Variants in DTNB observed in about 807,000 individuals in gnomAD.
DTNB encodes the protein dystrobrevin beta, also known as DTN-B.
In DTNB, 63 loss-of-function variants were observed where a neutral mutation model predicts 90.7. The ratio of observed to expected loss-of-function variants is 0.69; its 90% confidence interval spans 0.57 to 0.86. The LOEUF (loss-of-function observed/expected upper bound fraction) is 0.86, where lower values mean the gene tolerates loss of function less well. Ranked by LOEUF, DTNB falls within the 40% of genes least tolerant of loss-of-function variation. The probability of loss-of-function intolerance (pLI) is 0.00; values close to 1 mark genes in which losing one functional copy is unlikely to be tolerated. For missense variants in DTNB, 744 were observed against 807.1 expected (o/e 0.92, Z 0.95); for synonymous variants, 277 against 286.7 (o/e 0.97, Z 0.34).
At chr2:25,529,098 A>G (rs2077666510) in intron 9 of DTNB, among the ~76,000 whole-genome samples, 1 of 152,206 alleles carries the variant, frequency 6.6e-6, no homozygotes. Flanking sequence ...CTCCAGAAAA[A>G]GTAGATTACT....
intron 5 of DTNB, 65 bp downstream of exon 5, chr2:25,607,171 G>C: frequency 6.7e-7 from 1 of 1,493,356 alleles, no homozygotes; most frequent in Non-Finnish European, 9.1e-7. Flanking sequence ...TCAAAATTCT[G>C]ACAATATTCA....
intron 19 of DTNB, among the ~76,000 whole-genome samples, chr2:25,382,959 T>C (rs141576062): frequency 2.0e-5 from 3 of 152,190 alleles, no homozygotes. Context: ...GTGAAAATCA[T>C]TCCCTGCAGC....
intron 1 of DTNB, among the ~76,000 whole-genome samples, chr2:25,662,681 A>AACACACAC (rs35136841): frequency 3.5e-4 from 37 of 104,528 alleles, no homozygotes; most frequent in Admixed American, 5.5e-4. Flanking sequence ...CACACACACA[A>AACACACAC]ACACACACAC....
intron 10 of DTNB, among the ~76,000 whole-genome samples, chr2:25,455,730 A>C (rs902992437): frequency 6.6e-6 from 1 of 152,248 alleles, no homozygotes; most frequent in Non-Finnish European, 1.5e-5. Context: ...TGGCCCACTG[A>C]CATGACAGCC....
chr2:25,459,575 C>T (rs1355525825), intron 10 of DTNB, among the ~76,000 whole-genome samples: 3 of 152,264 alleles, frequency 2.0e-5, no homozygotes, highest in Admixed American at 6.5e-5. Flanking sequence ...CTCACTGCAA[C>T]CTCAGCCTCC....
intron 5 of DTNB, among the ~76,000 whole-genome samples, chr2:25,597,835 G>A (rs2064961598): frequency 6.6e-6 from 1 of 152,118 alleles, no homozygotes; most frequent in Non-Finnish European, 1.5e-5. Flanking sequence ...TATCCCCCAA[G>A]AAACTTTCAA....
rs66954180 is a variant in DTNB, at chr2:25,650,975, T to A, written c.67+1619A>T. On this transcript the variant is annotated intron_variant, in intron 2 of 20. Transcript: ENST00000406818. ...GACTCCCTCTCAAAAAAAAAAAAAA[T>A]AATAATAATAAGTAGCACAGATTTA... 4.2e-3 allele frequency among the ~76,000 whole-genome samples: 353 copies of A among 83,342 alleles called. 6 individuals carry two copies. The highest frequency in any genetic ancestry group is 0.012 in the Middle Eastern group (2 of 172). 54.7% of individuals were successfully genotyped at this position (83,342 alleles called of 152,430 possible). A position where few individuals can be genotyped will look rare whatever the true frequency, so the allele number is the denominator to read the frequency against.
At position 25,406,825 on chromosome 2, in the gene DTNB, C is replaced by G. The variant is rs548037523; in HGVS notation, c.1575+12690G>C. Among the ~76,000 whole-genome samples, 104 of 152,104 alleles carry G rather than the reference C, an allele frequency of 6.8e-4. 1 individual carries two copies. Among genetic ancestry groups the G allele is most frequent in the African/African-American group, 2.5e-3 (102 of 41,494 alleles). The stretch of plus-strand genomic sequence containing the variant: ...GCCAGCATCCTCAGGTTAGTTAGAC[C>G]TTCAAAGGGCCCAAGAATAGACTGC... On this transcript the variant is annotated intron_variant, in intron 16 of 20. Transcript: ENST00000406818.
At chr2:25,604,382 T>C (rs576739138) in intron 5 of DTNB, among the ~76,000 whole-genome samples, 7 of 142,510 alleles carry the variant, frequency 4.9e-5, no homozygotes, top group African/African-American at 1.9e-4. Context: ...TTTCTTTTTT[T>C]TCTCTCTCTC....
chr2:25,394,738 T>C (rs897102225), intron 16 of DTNB, among the ~76,000 whole-genome samples: 2 of 152,110 alleles, frequency 1.3e-5, no homozygotes, highest in Admixed American at 6.6e-5. Flanking sequence ...ATAATAGATG[T>C]CGGTGTGAAT....
intron 4 of DTNB, among the ~76,000 whole-genome samples, chr2:25,618,817 T>C (rs2071561782): frequency 6.6e-6 from 1 of 152,192 alleles, no homozygotes; most frequent in Non-Finnish European, 1.5e-5. Flanking sequence ...CATGATTCAT[T>C]TCCATAGCCC....
intron 3 of DTNB, among the ~76,000 whole-genome samples, chr2:25,632,230 T>C (rs887473954): frequency 6.7e-6 from 1 of 149,130 alleles, no homozygotes; most frequent in African/African-American, 2.5e-5. Context: ...GACCATATCC[T>C]GAGCCATAAA....
chr2:25,584,242 C>T (rs1003122680), intron 6 of DTNB, among the ~76,000 whole-genome samples: 6 of 152,218 alleles, frequency 3.9e-5, no homozygotes, highest in African/African-American at 1.4e-4. Context: ...GACAATGTGA[C>T]GAAGCCACAA....
intron 8 of DTNB, among the ~76,000 whole-genome samples, chr2:25,531,921 T>G (rs1013398407): frequency 2.0e-5 from 3 of 152,204 alleles, no homozygotes; most frequent in African/African-American, 7.2e-5. Context: ...TTTGCTAAGA[T>G]GTTAACATTA....
chr2:25,649,058 G>A (rs372594439), intron 2 of DTNB, among the ~76,000 whole-genome samples: 66 of 130,416 alleles, frequency 5.1e-4, no homozygotes, highest in African/African-American at 1.9e-3. Flanking sequence ...AGGCTGGAGT[G>A]CAGTGGCGCG....
chr2:25,470,724 T>C (rs1385755503), intron 10 of DTNB, among the ~76,000 whole-genome samples: 7 of 152,296 alleles, frequency 4.6e-5, no homozygotes, highest in Admixed American at 3.3e-4. Flanking sequence ...TGTCCTGTTA[T>C]AGCAATGTAA....
At chr2:25,569,371 T>G (rs1278732858) in intron 8 of DTNB, among the ~76,000 whole-genome samples, 1 of 152,230 alleles carries the variant, frequency 6.6e-6, no homozygotes, top group Non-Finnish European at 1.5e-5. Flanking sequence ...AAGACTGATA[T>G]AACCTTGCAT....
At chr2:25,429,964 T>G (rs1558490375) in intron 14 of DTNB, among the ~76,000 whole-genome samples, 1 of 152,268 alleles carries the variant, frequency 6.6e-6, no homozygotes, top group East Asian at 1.9e-4. Context: ...CAAGTGCACT[T>G]CCAATCTGAA....
intron 8 of DTNB, among the ~76,000 whole-genome samples, chr2:25,552,841 A>ATTTTT (rs544243784): frequency 7.0e-4 from 60 of 86,028 alleles, no homozygotes; most frequent in Non-Finnish European, 1.2e-3. Flanking sequence ...TCTCTTTTTG[A>ATTTTT]TTTTTTTTTT....
Sources: allele counts gnomAD v4.1 joint callset (sites outside exome capture counted in the v4.1 genomes callset), GRCh38; gene constraint gnomAD v4.1.1; transcripts MANE v1.5; gene names NCBI Gene and HGNC (gene_info 2026-07-23, HGNC 2026-07-21).